The following DUS2 variants were observed in gnomAD, a reference collection of about 807,000 sequenced individuals.
DUS2 encodes dihydrouridine synthase 2, also known as tRNA-dihydrouridine(20) synthase [NAD(P)+]-like.
A neutral mutation model predicts 71.3 loss-of-function variants in DUS2; 52 were observed. That is an observed-to-expected ratio of 0.73 (90% CI 0.58 to 0.92). DUS2 has a LOEUF of 0.92. Among genes scored for constraint, DUS2 ranks in the 40% least tolerant of loss-of-function variants. The probability of loss-of-function intolerance (pLI) is 0.00; values close to 1 mark genes in which losing one functional copy is unlikely to be tolerated. For synonymous variants in DUS2, 204 were observed against 227.8 expected (o/e 0.90, Z 0.94); for missense variants, 558 against 622.6 (o/e 0.90, Z 1.10).
intron 7 of DUS2, among the ~76,000 whole-genome samples, chr16:68,060,510 C>T (rs1293057828): frequency 6.6e-6 from 1 of 152,130 alleles, no homozygotes; most frequent in African/African-American, 2.4e-5. Flanking sequence ...GACTGGATTT[C>T]ACCATGTTAG....
In DUS2 at chr16:68,056,404, C is replaced by T; in HGVS notation, c.349C>T (p.Pro117Ser). 1 of 1,613,562 alleles carries T rather than the reference C, an allele frequency of 6.2e-7. No individual in the cohort carries two copies. The highest frequency in any genetic ancestry group is 8.5e-7 in the Non-Finnish European group (1 of 1,179,792). ...VAGIDVNMGC[P>S]KQYSTKGGMG... ...TGGTATTGATGTCAACATGGGCTGT[C>T]CAAAACAATATTCCACCAAGGTAAA... Residue 117 changes from proline (P) to serine (S), a missense_variant, in exon 7 of 17, where the codon CCA becomes TCA. Transcript: ENST00000565263.
At position 68,023,355 on chromosome 16, in the gene DUS2, T is replaced by C; in HGVS notation, c.-99+4T>C. ...TTTTTAAGAGTTCAGCTGCGAGGTC[T>C]GTAGCTCCGAATAGGGGATGGCGAC... On this transcript the variant is annotated splice_donor_region_variant and intron_variant, in intron 1 of 16. Coordinates refer to ENST00000565263, the MANE Select transcript of DUS2 (RefSeq NM_017803.5). 1 of 938,822 alleles carries C rather than the reference T, an allele frequency of 1.1e-6. No individual in the cohort carries two copies. Among genetic ancestry groups the C allele is most frequent in the Non-Finnish European group, 1.6e-6 (1 of 637,890 alleles). The allele number at this position is 938,822 out of a possible 1,614,324, so 58.2% of individuals were successfully genotyped here.
At chr16:68,068,576 TTCTC>T (rs1224808125) in intron 10 of DUS2, among the ~76,000 whole-genome samples, 1 of 144,102 alleles carries the variant, frequency 6.9e-6, no homozygotes, top group Admixed American at 7.4e-5. Context: ...GTAGTATTCT[TTCTC>T]TCTCTTTTTT....
At chr16:68,056,758 C>G (rs1194134232) in intron 7 of DUS2, among the ~76,000 whole-genome samples, 1 of 149,172 alleles carries the variant, frequency 6.7e-6, no homozygotes, top group African/African-American at 2.5e-5. Flanking sequence ...TACACACACA[C>G]TCATATATCA....
chr16:68,070,216 G>C lies in DUS2; in HGVS notation c.637G>C (p.Ala213Pro). Reference sequence around the variant, plus strand: ...TGATACCCTCTCCATTCCTGTCATAGCCAAGTAAGCCTCCTGTCTTCATCA... The same window carrying C: ...TGATACCCTCTCCATTCCTGTCATACCCAAGTAAGCCTCCTGTCTTCATCA... ...IADTLSIPVI[A>P]NGGSHDHIQQ... The change falls in exon 11 of 17, where the codon GCC (alanine) becomes CCC (proline). Residue 213 changes from alanine (A) to proline (P), a missense_variant. By Grantham distance (27) the Ala-to-Pro change is conservative (BLOSUM62 -1). Transcript: ENST00000565263. The C allele has an allele frequency of 6.2e-7, 1 of 1,613,876 alleles. No individual in the cohort carries two copies. The highest frequency in any genetic ancestry group is 8.5e-7 in the Non-Finnish European group (1 of 1,179,794).
chr16:68,049,724 G>A (rs2033752686), intron 4 of DUS2, among the ~76,000 whole-genome samples, 174 bp downstream of exon 4: 1 of 152,196 alleles, frequency 6.6e-6, no homozygotes, highest in Non-Finnish European at 1.5e-5. Flanking sequence ...CAAAAAGCCT[G>A]ATGTGAAACA....
intron 14 of DUS2, among the ~76,000 whole-genome samples, chr16:68,076,008 C>G (rs1261056315): frequency 6.6e-6 from 1 of 152,168 alleles, no homozygotes; most frequent in Non-Finnish European, 1.5e-5. Flanking sequence ...CAGGACCAGA[C>G]AGGAGCCAGT....
intron 2 of DUS2, among the ~76,000 whole-genome samples, chr16:68,037,224 C>G (rs1383929870): frequency 1.3e-5 from 2 of 149,676 alleles, no homozygotes; most frequent in Non-Finnish European, 3.0e-5. Context: ...CTGGCACAGA[C>G]TAGGTACTTA....
rs763883877 is a variant in DUS2 at position 68,078,910 on chromosome 16, C to A, written c.1406C>A (p.Ala469Glu). ...GGGGGCCCCAGAGCTCAGGAGCTAG[C>A]ACAACCTGGGGATCTGTGCAAGAAG... Reference protein sequence around the residue: ...DPGGPRAQELAQPGDLCKKPF... With the variant: ...DPGGPRAQELEQPGDLCKKPF... The change falls in exon 17 of 17, where the codon GCA becomes GAA. Residue 469 changes from alanine to glutamate, a missense_variant. Transcript: ENST00000565263. 6.2e-7 allele frequency: 1 copy of A among 1,612,378 alleles called. No homozygotes were observed. Among genetic ancestry groups the A allele is most frequent in the South Asian group, 1.1e-5 (1 of 90,960 alleles).
At chr16:68,058,689 C>T (rs1359917247) in intron 7 of DUS2, among the ~76,000 whole-genome samples, 1 of 152,098 alleles carries the variant, frequency 6.6e-6, no homozygotes, top group Non-Finnish European at 1.5e-5. Context: ...TTTGGAGAGA[C>T]ACAGAAGAAA....
intron 2 of DUS2, among the ~76,000 whole-genome samples, chr16:68,026,431 C>T (rs1485258610): frequency 6.6e-6 from 1 of 152,148 alleles, no homozygotes; most frequent in Non-Finnish European, 1.5e-5. Flanking sequence ...CTCCATTTTC[C>T]CACCTGTAGC....
chr16:68,053,790 T>G, intron 5 of DUS2, 135 bp downstream of exon 5: 3 of 846,486 alleles, frequency 3.5e-6, no homozygotes, highest in Non-Finnish European at 5.6e-6. Context: ...GATTCTGCTT[T>G]AATGTTTTCC....
At chr16:68,072,278 C>A (rs1274468861) in intron 12 of DUS2, among the ~76,000 whole-genome samples, 7 of 152,206 alleles carry the variant, frequency 4.6e-5, no homozygotes, top group Admixed American at 4.6e-4. Context: ...GTTCTGGTGT[C>A]CTGCTGGGCA....
intron 3 of DUS2, among the ~76,000 whole-genome samples, chr16:68,046,412 T>C (rs2033702348): frequency 6.6e-6 from 1 of 152,058 alleles, no homozygotes; most frequent in Admixed American, 6.5e-5. Context: ...GGAGTCTCCT[T>C]CTGTTGCCCA....
intron 2 of DUS2, among the ~76,000 whole-genome samples, chr16:68,034,610 T>A (rs2033489974): frequency 6.6e-6 from 1 of 152,158 alleles, no homozygotes; most frequent in Admixed American, 6.6e-5. Flanking sequence ...AAGCAATCCA[T>A]CTGTCTCATC....
At chr16:68,074,573 G>A (rs901964007) in intron 13 of DUS2, among the ~76,000 whole-genome samples, 9 of 152,178 alleles carry the variant, frequency 5.9e-5, no homozygotes, top group Non-Finnish European at 1.0e-4. Flanking sequence ...CTCTAGCTCA[G>A]ATGGTTGACA....
intron 3 of DUS2, among the ~76,000 whole-genome samples, chr16:68,047,068 T>TG (rs1346497513): frequency 2.1e-5 from 3 of 141,214 alleles, no homozygotes; most frequent in African/African-American, 8.0e-5. Flanking sequence ...TTTTTTTTTT[T>TG]TTTTTTGAGA....
At chr16:68,073,688 A>G (rs1489716408) in intron 12 of DUS2, among the ~76,000 whole-genome samples, 3 of 151,970 alleles carry the variant, frequency 2.0e-5, no homozygotes, top group Non-Finnish European at 4.4e-5. Context: ...ACCTCAGGTG[A>G]TCCGCCCGCC....
chr16:68,026,898 C>CAAAAAAAAAAA (rs2033359375), intron 2 of DUS2: 1 of 122,056 alleles, frequency 8.2e-6, no homozygotes, highest in African/African-American at 3.6e-5. Flanking sequence ...AAAAAAAAAG[C>CAAAAAAAAAAA]ACAGCTATGG....
Sources: allele counts gnomAD v4.1 joint callset (sites outside exome capture counted in the v4.1 genomes callset), GRCh38; gene constraint gnomAD v4.1.1; transcripts MANE v1.5; gene names NCBI Gene and HGNC (gene_info 2026-07-23, HGNC 2026-07-21).